The following CTXN3 variants were observed in gnomAD, a reference collection of about 807,000 sequenced individuals.
CTXN3 encodes the protein cortexin 3, also known as cortexin-3.
A neutral mutation model predicts 5.0 loss-of-function variants in CTXN3; 4 were observed. The ratio of observed to expected loss-of-function variants is 0.79; its 90% CI spans 0.39 to 1.82. CTXN3 has a LOEUF of 1.82. CTXN3 is among the 40% of genes most tolerant of loss of function. The probability of loss-of-function intolerance (pLI) is 0.04; values close to 1 mark genes in which losing one functional copy is unlikely to be tolerated. For missense variants in CTXN3, 89 were observed against 99.7 expected (o/e 0.89, Z 0.46); for synonymous variants, 48 against 38.6 (o/e 1.24, Z -0.91).
At chr5:127,657,359 G>A (rs1409589209) in intron 2 of CTXN3, 64 bp from the exon 3 acceptor site, 1 of 713,798 alleles carries the variant, frequency 1.4e-6, no homozygotes, top group Non-Finnish European at 2.3e-6. Flanking sequence ...AAATATGACT[G>A]TGAACCTAAA....
intron 1 of CTXN3, chr5:127,651,866 C>T (rs1272773074): frequency 3.3e-5 from 5 of 151,732 alleles, no homozygotes; most frequent in African/African-American, 1.2e-4. Flanking sequence ...CTTTAAGATA[C>T]ATTTTCTTCA....
At position 127,657,869 on chromosome 5, in the gene CTXN3, T is replaced by C; in HGVS notation, c.*102T>C. On this transcript the variant is annotated 3_prime_UTR_variant, in exon 3 of 3. Coordinates refer to ENST00000379445, the MANE Select transcript of CTXN3 (RefSeq NM_001048252.3). The stretch of plus-strand genomic sequence containing the variant: ...CTCAACAAATCAAATTTAAACAATA[T>C]TTGGTCCCAGGACCATAATCCATTA... 10 of 1,413,202 alleles carry C rather than the reference T, an allele frequency of 7.1e-6. No individual in the cohort carries two copies. Among genetic ancestry groups the C allele is most frequent in the Non-Finnish European group, 9.7e-6 (10 of 1,036,082 alleles). The allele number at this position is 1,413,202 out of a possible 1,614,324, so 87.5% of individuals were successfully genotyped here.
Position 127,657,498 on chromosome 5 carries a change from C to A in CTXN3, c.-24C>A, listed in dbSNP as rs1283373991. 2.5e-6 allele frequency: 4 copies of A among 1,612,820 alleles called. No homozygotes were observed. The highest frequency in any genetic ancestry group is 1.7e-5 in the Admixed American group (1 of 60,000). On this transcript the variant is annotated 5_prime_UTR_variant, in exon 3 of 3. Coordinates refer to ENST00000379445, the MANE Select transcript of CTXN3 (RefSeq NM_001048252.3). ...ATGGAAGAAAAGAAAACCAGGATAT[C>A]CTGTGCTCTGGCTTCCCTGGACCAT...
chr5:127,657,454 T>G lies in CTXN3; in HGVS notation c.-68T>G. The G allele has an allele frequency of 3.3e-5, 52 of 1,582,500 alleles. No individual in the cohort carries two copies. The highest frequency in any genetic ancestry group is 4.1e-5 in the Non-Finnish European group (48 of 1,162,738). ...CAGCCTCTCCAGAGTGCAGCCACCA[T>G]GACCTCCGCAGATTGATGATGGAAG... On this transcript the variant is annotated 5_prime_UTR_variant, in exon 3 of 3. The change abolishes an upstream ATG in the 5' untranslated region. Transcript: ENST00000379445.
At chr5:127,651,706 T>C (rs1253740265) in intron 1 of CTXN3, 2 of 152,038 alleles carry the variant, frequency 1.3e-5, no homozygotes. Context: ...AATTAGATCA[T>C]TGCACCCTAT....
At chr5:127,654,188 C>CCCA in intron 2 of CTXN3, among the ~76,000 whole-genome samples, 1 of 152,292 alleles carries the variant, frequency 6.6e-6, no homozygotes, top group East Asian at 1.9e-4. Flanking sequence ...TTTATAGGAA[C>CCCA]TTGGGCACCA....
chr5:127,655,038 T>C (rs1373491700), intron 2 of CTXN3, among the ~76,000 whole-genome samples: 1 of 151,738 alleles, frequency 6.6e-6, no homozygotes, highest in Admixed American at 6.6e-5. Context: ...CTGAGGTGGG[T>C]GGATCACCTG....
intron 1 of CTXN3, chr5:127,653,077 G>C (rs1749819146): frequency 1.3e-5 from 2 of 152,196 alleles, no homozygotes; most frequent in African/African-American, 2.4e-5. Context: ...GAGATGCAGT[G>C]TGTAGGAAGC....
At chr5:127,657,095 G>A (rs1749926211) in intron 2 of CTXN3, among the ~76,000 whole-genome samples, 1 of 152,208 alleles carries the variant, frequency 6.6e-6, no homozygotes, top group African/African-American at 2.4e-5. Context: ...CAGAGCAGGA[G>A]GAGACTTGGC....
Position 127,657,619 on chromosome 5 carries a change from T to G in CTXN3, c.98T>G (p.Phe33Cys), listed in dbSNP as rs1749943791. Residue 33 changes from phenylalanine (F) to cysteine (C), a missense_variant, in exon 3 of 3, where the codon TTT becomes TGT. By Grantham distance (205) the Phe-to-Cys change is radical. Coordinates refer to ENST00000379445, the MANE Select transcript of CTXN3 (RefSeq NM_001048252.3). ...CTGGAGCAGAAAATGACATTTGTTT[T>G]TGTGATTCTGTTGTTTATTTTCTTG... The part of the protein sequence containing the change: ...MSLEQKMTFV[F>C]VILLFIFLGI... 6.2e-7 allele frequency: 1 copy of G among 1,614,196 alleles called. No homozygotes were observed. The highest frequency in any genetic ancestry group is 1.3e-5 in the African/African-American group (1 of 75,056).
rs2126744375 is a variant in CTXN3, at chr5:127,657,627, C to T, written c.106C>T (p.Leu36=). Residue 36 remains leucine (L), a synonymous_variant, in exon 3 of 3, where the codon CTG becomes TTG. Coordinates refer to ENST00000379445, the MANE Select transcript of CTXN3 (RefSeq NM_001048252.3). ...GAAAATGACATTTGTTTTTGTGATT[C>T]TGTTGTTTATTTTCTTGGGCATTCT... ...EQKMTFVFVI[L]LFIFLGILIV... 1 of 1,614,166 alleles carries T rather than the reference C, an allele frequency of 6.2e-7. No individual in the cohort carries two copies.
intron 2 of CTXN3, among the ~76,000 whole-genome samples, chr5:127,654,553 G>A (rs1404228364): frequency 6.6e-6 from 1 of 152,196 alleles, no homozygotes; most frequent in East Asian, 1.9e-4. Context: ...TAAGTTATTT[G>A]CTGGAATTTC....
chr5:127,650,172 A>T (rs1034750416), intron 1 of CTXN3, among the ~76,000 whole-genome samples: 2 of 152,172 alleles, frequency 1.3e-5, no homozygotes, highest in Non-Finnish European at 2.9e-5. Context: ...GCTTAAAAGC[A>T]GCAGTGAGTT....
intron 1 of CTXN3, among the ~76,000 whole-genome samples, chr5:127,652,603 A>G (rs539430869): frequency 4.6e-5 from 7 of 151,850 alleles, no homozygotes; most frequent in Non-Finnish European, 8.8e-5. Flanking sequence ...TTTGGTGTGA[A>G]CCCTAAGGGA....
Position 127,649,278 on chromosome 5 carries a change from T to G in CTXN3, c.-317T>G, listed in dbSNP as rs1229966884. 1.3e-5 allele frequency: 2 copies of G among 152,236 alleles called. No homozygotes were observed. The highest frequency in any genetic ancestry group is 4.8e-5 in the African/African-American group (2 of 41,462). 9.4% of individuals were successfully genotyped at this position (152,236 alleles called of 1,614,324 possible). A position where few individuals can be genotyped will look rare whatever the true frequency, so the allele number is the denominator to read the frequency against. On this transcript the variant is annotated 5_prime_UTR_variant, in exon 1 of 3. Coordinates refer to ENST00000379445, the MANE Select transcript of CTXN3 (RefSeq NM_001048252.3). ...ATCAGCTGCCTTGCAGCTACCACTG[T>G]CTACTGCTTTCACACAGCGTGGTCG...
Position 127,657,883 on chromosome 5 carries a change from C to CAA in CTXN3, c.*117_*118insAA. ...TTTAAACAATATTTGGTCCCAGGAC[C>CAA]ATAATCCATTATTCCATAAATATGC... On this transcript the variant is annotated 3_prime_UTR_variant, in exon 3 of 3. Coordinates refer to ENST00000379445, the MANE Select transcript of CTXN3 (RefSeq NM_001048252.3). 1 of 1,258,952 alleles carries CAA rather than the reference C, an allele frequency of 7.9e-7. No homozygotes were observed. Among genetic ancestry groups the CAA allele is most frequent in the Non-Finnish European group, 1.1e-6 (1 of 909,382 alleles). The allele number at this position is 1,258,952 out of a possible 1,614,324, so 78.0% of individuals were successfully genotyped here.
intron 1 of CTXN3, among the ~76,000 whole-genome samples, chr5:127,650,003 C>G (rs1749751329): frequency 1.3e-5 from 2 of 152,016 alleles, no homozygotes; most frequent in African/African-American, 4.8e-5. Flanking sequence ...GACTAGGCAC[C>G]CTCATGGTGT....
Position 127,657,782 on chromosome 5 carries a change from G to A in CTXN3, c.*15G>A, listed in dbSNP as rs778860466. On this transcript the variant is annotated 3_prime_UTR_variant, in exon 3 of 3. Transcript: ENST00000379445. The stretch of plus-strand genomic sequence containing the variant: ...CCCTTGCTTAGGAGGGATGGTGTGG[G>A]ATCTCCTCCTGAGGAGATGAAGTGC... 1 of 1,613,808 alleles carries A rather than the reference G, an allele frequency of 6.2e-7. No homozygotes were observed. Among genetic ancestry groups the A allele is most frequent in the East Asian group, 2.2e-5 (1 of 44,870 alleles).
Position 127,657,832 on chromosome 5 carries a change from T to C in CTXN3, c.*65T>C. 6.4e-7 allele frequency: 1 copy of C among 1,571,276 alleles called. No individual in the cohort carries two copies. ...CTTTGTGTCTTGGTGAGGATTCCCT[T>C]TATTTAGTGTTCTCAACAAATCAAA... On this transcript the variant is annotated 3_prime_UTR_variant, in exon 3 of 3. Coordinates refer to ENST00000379445, the MANE Select transcript of CTXN3 (RefSeq NM_001048252.3).
Sources: allele counts gnomAD v4.1 joint callset (sites outside exome capture counted in the v4.1 genomes callset), GRCh38; gene constraint gnomAD v4.1.1; transcripts MANE v1.5; gene names NCBI Gene and HGNC (gene_info 2026-07-23, HGNC 2026-07-21).